The following PLEKHA2 variants were observed in gnomAD, a reference collection of about 807,000 sequenced individuals.
PLEKHA2 encodes pleckstrin homology domain-containing family A member 2.
In PLEKHA2, 28 loss-of-function variants were observed where a neutral mutation model predicts 53.2. That is an observed-to-expected ratio of 0.53 (90% CI 0.39 to 0.72). PLEKHA2 has a LOEUF of 0.72. Among genes scored for constraint, PLEKHA2 ranks in the 30% least tolerant of loss-of-function variants. The probability of loss-of-function intolerance (pLI) is 0.00; values close to 1 mark genes in which losing one functional copy is unlikely to be tolerated. For missense variants in PLEKHA2, 426 were observed against 537.9 expected (o/e 0.79, Z 2.06); for synonymous variants, 193 against 196.4 (o/e 0.98, Z 0.14).
chr8:38,901,830 G>A (rs1314849867), intron 1 of PLEKHA2: 1 of 152,258 alleles, frequency 6.6e-6, no homozygotes, highest in Non-Finnish European at 1.5e-5. Flanking sequence ...CTGGCGCTGG[G>A]GCACCGACCC....
chr8:38,972,408 ACTCCTGGCCCAAGTGATC>A lies in PLEKHA2; in HGVS notation c.*2632_*2649del, dbSNP rs1835267691. The A allele has an allele frequency of 6.6e-6, 1 of 151,578 alleles. No individual in the cohort carries two copies. The highest frequency in any genetic ancestry group is 1.5e-5 in the Non-Finnish European group (1 of 67,902). 9.4% of individuals were successfully genotyped at this position (151,578 alleles called of 1,614,324 possible). On this transcript the variant is annotated 3_prime_UTR_variant, in exon 12 of 12. Transcript: ENST00000617275. The stretch of plus-strand genomic sequence containing the variant: ...GGCTATGTTGCCCAGGCTCTCTCAA[ACTCCTGGCCCAAGTGATC>A]CTCCTGCCTTGGCCTCCTAAAGTGT...
At chr8:38,921,620 C>T (rs907572339) in intron 2 of PLEKHA2, among the ~76,000 whole-genome samples, 3 of 152,246 alleles carry the variant, frequency 2.0e-5, no homozygotes, top group African/African-American at 7.2e-5. Flanking sequence ...GCCTCTGCAG[C>T]AGGTTCCCCT....
At chr8:38,956,145 CCTT>C (rs369116954) in intron 9 of PLEKHA2, among the ~76,000 whole-genome samples, 61 of 152,322 alleles carry the variant, frequency 4.0e-4, no homozygotes, top group African/African-American at 1.4e-3. Flanking sequence ...ATCTTTTACT[CCTT>C]ATGTATTCCC....
At chr8:38,930,089 T>C (rs906657286) in intron 2 of PLEKHA2, among the ~76,000 whole-genome samples, 2 of 152,146 alleles carry the variant, frequency 1.3e-5, no homozygotes, top group Non-Finnish European at 2.9e-5. Context: ...CCATATATTT[T>C]CCCCCCTGGG....
rs186572295 is a variant in PLEKHA2, at chr8:38,912,475, C to T, written c.-23-5432C>T. Among the ~76,000 whole-genome samples, 4 of 152,338 alleles carry T rather than the reference C, an allele frequency of 2.6e-5. No individual in the cohort carries two copies. In the East Asian group the frequency reaches 5.8e-4, roughly 22 times the overall value. Reference sequence around the variant, plus strand: ...ATCTAAGTACCAATTACTACTGGCACTCCCCTTTCTCCCCTCACTGGCTCA... The same window carrying T: ...ATCTAAGTACCAATTACTACTGGCATTCCCCTTTCTCCCCTCACTGGCTCA... On this transcript the variant is annotated intron_variant, in intron 1 of 11. Coordinates refer to ENST00000617275, the MANE Select transcript of PLEKHA2 (RefSeq NM_021623.2).
At chr8:38,947,073 T>A (rs1834728940) in intron 5 of PLEKHA2, among the ~76,000 whole-genome samples, 1 of 152,248 alleles carries the variant, frequency 6.6e-6, no homozygotes, top group Non-Finnish European at 1.5e-5. Flanking sequence ...TTCATATTGC[T>A]AGACCCAACC....
At chr8:38,952,334 G>A in intron 7 of PLEKHA2, 22 bp downstream of exon 7, 3 of 1,608,774 alleles carry the variant, frequency 1.9e-6, no homozygotes, top group Non-Finnish European at 2.5e-6. Flanking sequence ...CACAGGGGCT[G>A]AATTGGGGTT....
At chr8:38,946,819 T>G (rs571708431) in intron 5 of PLEKHA2, among the ~76,000 whole-genome samples, 1 of 152,258 alleles carries the variant, frequency 6.6e-6, no homozygotes, top group South Asian at 2.1e-4. Context: ...GTAGGAAGGA[T>G]GGAGAGGGGA....
At chr8:38,956,716 C>T (rs1834947464) in intron 9 of PLEKHA2, among the ~76,000 whole-genome samples, 1 of 152,102 alleles carries the variant, frequency 6.6e-6, no homozygotes, top group African/African-American at 2.4e-5. Context: ...TGTACCCCAG[C>T]CTGGGCAACA....
At chr8:38,915,015 TG>T (rs1834011468) in intron 1 of PLEKHA2, among the ~76,000 whole-genome samples, 1 of 152,180 alleles carries the variant, frequency 6.6e-6, no homozygotes, top group East Asian at 1.9e-4. Context: ...GGTGCTCTCA[TG>T]GTTCCCTGCA....
At chr8:38,903,100 A>C (rs758490225) in intron 1 of PLEKHA2, among the ~76,000 whole-genome samples, 5 of 152,256 alleles carry the variant, frequency 3.3e-5, no homozygotes, top group Non-Finnish European at 7.3e-5. Flanking sequence ...CACTTGTCCA[A>C]ATGGCAGAGA....
At chr8:38,943,166 G>A (rs865950292) in intron 3 of PLEKHA2, among the ~76,000 whole-genome samples, 2 of 152,090 alleles carry the variant, frequency 1.3e-5, no homozygotes, top group Non-Finnish European at 2.9e-5. Context: ...ATAGGTTTTC[G>A]TCAGGACTTA....
At chr8:38,903,748 A>G (rs1833828745) in intron 1 of PLEKHA2, among the ~76,000 whole-genome samples, 1 of 152,084 alleles carries the variant, frequency 6.6e-6, no homozygotes, top group Admixed American at 6.5e-5. Context: ...CTCAGATGAG[A>G]GCTTGCTGCA....
intron 10 of PLEKHA2, among the ~76,000 whole-genome samples, chr8:38,967,165 C>T (rs1372765764): frequency 6.6e-6 from 1 of 152,170 alleles, no homozygotes; most frequent in Non-Finnish European, 1.5e-5. Context: ...CATATGGACA[C>T]CACATTTTCT....
chr8:38,954,252 A>C (rs1017768308), intron 9 of PLEKHA2, among the ~76,000 whole-genome samples: 3 of 152,108 alleles, frequency 2.0e-5, no homozygotes, highest in Non-Finnish European at 4.4e-5. Context: ...AGACAGAAGC[A>C]CTCTCCCGAG....
Position 38,952,652 on chromosome 8 carries a change from G to A in PLEKHA2, c.650G>A (p.Arg217His), listed in dbSNP as rs761397362. The change falls in exon 8 of 12, where the codon CGT (arginine) becomes CAT (histidine). Residue 217 changes from arginine to histidine, a missense_variant. Physicochemically the swap from Arg to His is conservative, Grantham distance 29. Coordinates refer to ENST00000617275, the MANE Select transcript of PLEKHA2 (RefSeq NM_021623.2). ...KQGNVRKSWK[R>H]RFFALDDFTI... ...TTATTACAGCGGAAGAGCTGGAAAC[G>A]TCGCTTCTTTGCACTTGATGACTTT... is the stretch of plus-strand genomic sequence containing the variant. 3.7e-6 allele frequency: 6 copies of A among 1,610,008 alleles called. No homozygotes were observed. Among genetic ancestry groups the A allele is most frequent in the Non-Finnish European group, 4.2e-6 (5 of 1,179,802 alleles).
intron 3 of PLEKHA2, among the ~76,000 whole-genome samples, chr8:38,943,242 A>G (rs1834644737): frequency 6.6e-6 from 1 of 152,054 alleles, no homozygotes. Flanking sequence ...ACACTTTGGG[A>G]GGCTGAGGCG....
chr8:38,952,801 G>A (rs948646340), intron 8 of PLEKHA2, 97 bp downstream of exon 8: 2 of 1,285,576 alleles, frequency 1.6e-6, no homozygotes, highest in African/African-American at 1.5e-5. Context: ...GGAGATGTGG[G>A]CACACAAAGA....
chr8:38,966,157 G>T (rs1835130511), intron 10 of PLEKHA2, among the ~76,000 whole-genome samples: 1 of 152,268 alleles, frequency 6.6e-6, no homozygotes, highest in South Asian at 2.1e-4. Flanking sequence ...CGTGCACCAG[G>T]ACCTGAACGG....
Sources: gnomAD v4.1 joint callset for allele counts (sites outside exome capture counted in the v4.1 genomes callset) on GRCh38, gnomAD v4.1.1 for gene constraint, MANE v1.5 for transcripts, NCBI Gene and HGNC (gene_info 2026-07-23, HGNC 2026-07-21) for gene names.